RAPGEF1: variants seen among roughly 807,000 people sequenced by gnomAD.
RAPGEF1 encodes the protein CRK SH3-binding GNRP.
RAPGEF1 carries 33 observed loss-of-function variants against 143.3 expected under a neutral mutation model. That is an observed-to-expected ratio of 0.23 (90% CI 0.17 to 0.31). The LOEUF is 0.31. RAPGEF1 is among the 10% of genes least tolerant of loss of function. RAPGEF1 has a pLI of 1.00. For synonymous variants in RAPGEF1, 629 were observed against 676.5 expected (o/e 0.93, Z 1.09); for missense variants, 1,199 against 1,645.4 (o/e 0.73, Z 4.69).
At chr9:131,617,721 A>G (rs890865642) in intron 12 of RAPGEF1, among the ~76,000 whole-genome samples, 7 of 152,318 alleles carry the variant, frequency 4.6e-5, no homozygotes, top group East Asian at 3.9e-4. Context: ...AATTTTACTT[A>G]ATTTTCACAC....
chr9:131,617,389 C>T (rs1959166236), intron 12 of RAPGEF1, among the ~76,000 whole-genome samples: 1 of 152,238 alleles, frequency 6.6e-6, no homozygotes, highest in Admixed American at 6.5e-5. Context: ...GGCCTCAGTA[C>T]CCATTGGGAG....
intron 5 of RAPGEF1, among the ~76,000 whole-genome samples, chr9:131,635,831 A>G (rs1481587238): frequency 6.6e-6 from 1 of 152,222 alleles, no homozygotes; most frequent in Non-Finnish European, 1.5e-5. Context: ...TGAAAGGGGC[A>G]AGGGGCAGCC....
intron 1 of RAPGEF1, among the ~76,000 whole-genome samples, chr9:131,692,098 T>G (rs537621465): frequency 2.2e-4 from 33 of 152,250 alleles, no homozygotes; most frequent in Non-Finnish European, 4.3e-4. Flanking sequence ...TTCCTAGCTT[T>G]GAGAGTCCTT....
Position 131,629,233 on chromosome 9 carries a change from T to C in RAPGEF1, c.762A>G (p.Thr254=). ...KPDGPAELPL[T]DREVEILNKT... is the part of the protein sequence containing the mutation. ...TGTTTAGGATCTCTACCTCGCGGTC[T>C]GTCAGGGGGAGCTCTGCTGGGCTGG... The change falls in exon 7 of 27, where the codon ACA becomes ACG. Residue 254 remains threonine (T), a synonymous_variant. Transcript: ENST00000683357. 6.2e-7 allele frequency: 1 copy of C among 1,613,838 alleles called. No homozygotes were observed. Among genetic ancestry groups the C allele is most frequent in the Non-Finnish European group, 8.5e-7 (1 of 1,179,794 alleles).
rs1246930567 is a variant in RAPGEF1, at chr9:131,604,032, C to CA, written c.2340_2341insT (p.Ala781CysfsTer3). ...AGATTGACATATTCACCCTCACCAG[C>CA]TTCCTCACTGGCGTTTTCACTCTGG... On this transcript the variant is annotated frameshift_variant, in exon 14 of 27. Transcript: ENST00000683357. LOFTEE classifies it high-confidence loss of function. The CA allele has an allele frequency of 1.5e-6, 2 of 1,336,768 alleles. No individual in the cohort carries two copies. The highest frequency in any genetic ancestry group is 2.0e-5 in the Admixed American group (1 of 49,174). The allele number at this position is 1,336,768 out of a possible 1,614,324, so 82.8% of individuals were successfully genotyped here. A position where few individuals can be genotyped will look rare whatever the true frequency, so the allele number is the denominator to read the frequency against.
At chr9:131,596,465 A>G in intron 16 of RAPGEF1, 92 bp from the exon 17 acceptor site, 17 of 1,280,820 alleles carry the variant, frequency 1.3e-5, no homozygotes, top group Non-Finnish European at 1.9e-5. Flanking sequence ...AGATGACAAA[A>G]TGCCCTGCAA....
intron 15 of RAPGEF1, among the ~76,000 whole-genome samples, chr9:131,600,352 G>A (rs776108452): frequency 2.6e-5 from 4 of 152,128 alleles, no homozygotes; most frequent in African/African-American, 7.2e-5. Context: ...TGAAGCTAGT[G>A]GCATACCCAC....
intron 1 of RAPGEF1, among the ~76,000 whole-genome samples, chr9:131,678,991 C>A (rs1241322395): frequency 2.6e-5 from 4 of 152,076 alleles, no homozygotes; most frequent in Non-Finnish European, 5.9e-5. Flanking sequence ...AACAGGCCAG[C>A]AGGAGCAGGA....
At chr9:131,607,381 A>C (rs1200898727) in intron 12 of RAPGEF1, among the ~76,000 whole-genome samples, 1 of 152,006 alleles carries the variant, frequency 6.6e-6, no homozygotes, top group African/African-American at 2.4e-5. Flanking sequence ...CACAGCAATT[A>C]CCCAGGATGG....
chr9:131,600,440 G>A (rs1022692076), intron 15 of RAPGEF1, among the ~76,000 whole-genome samples: 2 of 152,166 alleles, frequency 1.3e-5, no homozygotes, highest in Admixed American at 6.5e-5. Context: ...TTCACACCTG[G>A]GGAAAGCTCA....
intron 1 of RAPGEF1, among the ~76,000 whole-genome samples, chr9:131,680,060 A>G (rs945936261): frequency 6.6e-6 from 1 of 152,256 alleles, no homozygotes; most frequent in Admixed American, 6.5e-5. Context: ...AAGCACATTT[A>G]TAACTAAACG....
intron 1 of RAPGEF1, among the ~76,000 whole-genome samples, chr9:131,704,778 G>A (rs1381080043): frequency 6.6e-6 from 1 of 152,130 alleles, no homozygotes; most frequent in East Asian, 1.9e-4. Flanking sequence ...GAAAGGAAAG[G>A]AAAGAAGGAA....
At position 131,589,901 on chromosome 9, in the gene RAPGEF1, A is replaced by G. The variant is rs1369459647; in HGVS notation, c.2852T>C (p.Val951Ala). 1 of 1,613,726 alleles carries G rather than the reference A, an allele frequency of 6.2e-7. No homozygotes were observed. Among genetic ancestry groups the G allele is most frequent in the Non-Finnish European group, 8.5e-7 (1 of 1,179,738 alleles). The change falls in exon 19 of 27, where the codon GTG (valine) becomes GCG (alanine). Residue 951 changes from valine to alanine, a missense_variant. Transcript: ENST00000683357. Reference protein sequence around the residue: ...SKNTFFVLVRVVDELCLVELT... With the variant: ...SKNTFFVLVRAVDELCLVELT... Reference sequence around the variant, plus strand: ...AAGCACTCACCAGAGCTCATCCACCACCCGTACCAGCACGAAGAACGTGTT... The same window carrying G: ...AAGCACTCACCAGAGCTCATCCACCGCCCGTACCAGCACGAAGAACGTGTT...
In RAPGEF1 at chr9:131,644,411, G is replaced by A. The variant is rs1446936852; in HGVS notation, c.316-994C>T. Among the ~76,000 whole-genome samples the A allele has an allele frequency of 3.5e-5, 5 of 142,172 alleles. No individual in the cohort carries two copies. The South Asian group carries it at 9.1e-4, about 26-fold the overall frequency. 93.3% of individuals were successfully genotyped at this position (142,172 alleles called of 152,430 possible). On this transcript the variant is annotated intron_variant, in intron 3 of 26. Transcript: ENST00000683357. Reference sequence around the variant, plus strand: ...TGTCCTTTAAAAAAAAAAAAAAAAAGAGTAGTCTACAGAATGGATAAATCC... The same window carrying A: ...TGTCCTTTAAAAAAAAAAAAAAAAAAAGTAGTCTACAGAATGGATAAATCC...
At chr9:131,691,486 A>T (rs1564171587) in intron 1 of RAPGEF1, among the ~76,000 whole-genome samples, 1 of 152,242 alleles carries the variant, frequency 6.6e-6, no homozygotes, top group Non-Finnish European at 1.5e-5. Context: ...CTGAATCATT[A>T]TTATAATGAA....
At chr9:131,721,203 T>C (rs1170482259) in intron 1 of RAPGEF1, among the ~76,000 whole-genome samples, 3 of 152,144 alleles carry the variant, frequency 2.0e-5, no homozygotes, top group Non-Finnish European at 2.9e-5. Flanking sequence ...TGGAACGCGA[T>C]AGATGTTAAT....
chr9:131,638,588 G>A, intron 5 of RAPGEF1, 47 bp downstream of exon 5: 4 of 1,600,280 alleles, frequency 2.5e-6, no homozygotes, highest in Non-Finnish European at 3.4e-6. Context: ...CAGCAGGCAG[G>A]CTGCTCTAAG....
At chr9:131,618,666 A>G (rs1959631478) in intron 12 of RAPGEF1, among the ~76,000 whole-genome samples, 1 of 152,214 alleles carries the variant, frequency 6.6e-6, no homozygotes, top group African/African-American at 2.4e-5. Context: ...CTCCTGTCTC[A>G]GCCTCCTGAG....
At chr9:131,691,536 T>C (rs936771596) in intron 1 of RAPGEF1, among the ~76,000 whole-genome samples, 1 of 152,244 alleles carries the variant, frequency 6.6e-6, no homozygotes, top group Non-Finnish European at 1.5e-5. Flanking sequence ...TTAAGTCCTG[T>C]TATCCACAGT....
Sources: gnomAD v4.1 joint callset for allele counts (sites outside exome capture counted in the v4.1 genomes callset) on GRCh38, gnomAD v4.1.1 for gene constraint, MANE v1.5 for transcripts, NCBI Gene and HGNC (gene_info 2026-07-23, HGNC 2026-07-21) for gene names.